REDIC1: variants seen among roughly 807,000 people sequenced by gnomAD.
REDIC1 encodes the protein regulator of DNA class I crossover intermediates 1.
chr12:39,896,128 G>A, the REDIC1 span, among the ~76,000 whole-genome samples: 1 of 144,084 alleles, frequency 6.9e-6, no homozygotes, highest in Non-Finnish European at 1.5e-5. Flanking sequence ...ATACATATAT[G>A]TATACACGTG....
At chr12:39,728,952 G>A in the REDIC1 span, among the ~76,000 whole-genome samples, 1 of 152,006 alleles carries the variant, frequency 6.6e-6, no homozygotes, top group African/African-American at 2.4e-5. Context: ...CTGCATAGAG[G>A]TGTTTATAGT....
At chr12:39,692,595 C>T in the REDIC1 span, among the ~76,000 whole-genome samples, 9 of 151,310 alleles carry the variant, frequency 5.9e-5, no homozygotes, top group African/African-American at 2.2e-4. Context: ...ACTTGTAGCT[C>T]TAGTACATTT....
At chr12:39,819,268 A>G in the REDIC1 span, among the ~76,000 whole-genome samples, 1 of 152,200 alleles carries the variant, frequency 6.6e-6, no homozygotes, top group African/African-American at 2.4e-5. Flanking sequence ...TTCATGGTTT[A>G]CAAATATTTT....
the REDIC1 span, among the ~76,000 whole-genome samples, chr12:39,899,990 C>G: frequency 6.6e-6 from 1 of 151,304 alleles, no homozygotes; most frequent in Admixed American, 6.8e-5. Context: ...AGCTTATCCA[C>G]CATGATCAAG....
chr12:39,742,331 C>T, the REDIC1 span, among the ~76,000 whole-genome samples: 1 of 152,052 alleles, frequency 6.6e-6, no homozygotes. Context: ...GAAGAGGTCA[C>T]GTAATTGCCA....
At chr12:39,773,814 C>A in the REDIC1 span, among the ~76,000 whole-genome samples, 16 of 152,184 alleles carry the variant, frequency 1.1e-4, no homozygotes, top group Admixed American at 1.0e-3. Context: ...ATGTATGAAA[C>A]TTAGTTCCCT....
At chr12:39,712,093 CATAT>C in the REDIC1 span, among the ~76,000 whole-genome samples, 3 of 95,136 alleles carry the variant, frequency 3.2e-5, no homozygotes, top group Admixed American at 3.3e-4. Context: ...TATATACATA[CATAT>C]ATACCTGTAT....
the REDIC1 span, among the ~76,000 whole-genome samples, chr12:39,711,591 ATATG>A: frequency 1.9e-4 from 5 of 26,062 alleles, no homozygotes; most frequent in Non-Finnish European, 8.7e-4. Context: ...ATGCATGTGT[ATATG>A]TGTATACACA....
chr12:39,704,674 A>G, the REDIC1 span, among the ~76,000 whole-genome samples: 3 of 152,170 alleles, frequency 2.0e-5, no homozygotes, highest in East Asian at 3.8e-4. Context: ...AACCAACCCA[A>G]ATGTCCAACA....
At chr12:39,822,809 G>T in the REDIC1 span, among the ~76,000 whole-genome samples, 1 of 152,154 alleles carries the variant, frequency 6.6e-6, no homozygotes, top group African/African-American at 2.4e-5. Context: ...GAAAATGAAA[G>T]GTAGTTAAAT....
chr12:39,687,691 A>G, the REDIC1 span, among the ~76,000 whole-genome samples: 292 of 152,322 alleles, frequency 1.9e-3, 2 homozygotes, highest in Middle Eastern at 0.014. Flanking sequence ...TCCAAACCAT[A>G]TCATCTTTCA....
the REDIC1 span, among the ~76,000 whole-genome samples, chr12:39,701,974 A>T: frequency 4.6e-5 from 7 of 152,214 alleles, no homozygotes; most frequent in Non-Finnish European, 1.0e-4. Context: ...CTAAATGCCC[A>T]CAAGAGAAAG....
chr12:39,733,820 G>T, the REDIC1 span, among the ~76,000 whole-genome samples: 1 of 152,226 alleles, frequency 6.6e-6, no homozygotes, highest in Non-Finnish European at 1.5e-5. Context: ...TCAAGCCAGC[G>T]GATCTTATCT....
At chr12:39,837,624 G>C in the REDIC1 span, among the ~76,000 whole-genome samples, 1 of 148,500 alleles carries the variant, frequency 6.7e-6, no homozygotes, top group Admixed American at 6.7e-5. Flanking sequence ...AATCTACAAT[G>C]AACTCCAACA....
At chr12:39,646,785 G>C in the REDIC1 span, 1 of 1,193,212 alleles carries the variant, frequency 8.4e-7, no homozygotes, top group African/African-American at 1.5e-5. Flanking sequence ...TATAGGAAAG[G>C]ACAGTCGATT....
the REDIC1 span, among the ~76,000 whole-genome samples, chr12:39,750,000 C>A: frequency 1.6e-4 from 24 of 152,162 alleles, no homozygotes; most frequent in African/African-American, 5.8e-4. Context: ...CCCTTTGAAA[C>A]CTGGCACAAG....
the REDIC1 span, among the ~76,000 whole-genome samples, chr12:39,834,720 C>G: frequency 2.0e-5 from 3 of 152,014 alleles, no homozygotes; most frequent in Non-Finnish European, 4.4e-5. Context: ...CTGCCTCTGT[C>G]TTCTGGAGGA....
the REDIC1 span, among the ~76,000 whole-genome samples, chr12:39,711,771 G>GCATGTGTATGTGTA: frequency 1.2e-4 from 13 of 104,734 alleles, no homozygotes; most frequent in African/African-American, 6.1e-4. Context: ...ATGTGTGTGT[G>GCATGTGTATGTGTA]CACATGCATG....
At chr12:39,659,532 G>A in the REDIC1 span, among the ~76,000 whole-genome samples, 1 of 151,786 alleles carries the variant, frequency 6.6e-6, no homozygotes, top group South Asian at 2.1e-4. Flanking sequence ...GTCCATAATT[G>A]TATCTTCCGT....
Sources: allele counts gnomAD v4.1 joint callset (sites outside exome capture counted in the v4.1 genomes callset), GRCh38; gene constraint gnomAD v4.1.1; transcripts MANE v1.5; gene names NCBI Gene and HGNC (gene_info 2026-07-23, HGNC 2026-07-21).